The following WIPF1 variants were observed in gnomAD, a reference collection of about 807,000 sequenced individuals.
The protein encoded by WIPF1 is WAS/WASL-interacting protein family member 1.
Under a neutral mutation model 35.4 loss-of-function variants are expected in WIPF1, and 13 were observed. That is an observed-to-expected ratio of 0.37 (90% CI 0.24 to 0.58). The LOEUF is 0.58. Among genes scored for constraint, WIPF1 ranks in the 20% least tolerant of loss-of-function variants. WIPF1 has a pLI of 0.74. For missense variants in WIPF1, 591 were observed against 667.0 expected (o/e 0.89, Z 1.25); for synonymous variants, 267 against 266.3 (o/e 1.00, Z -0.02).
intron 1 of WIPF1, among the ~76,000 whole-genome samples, chr2:174,654,620 T>C (rs542162621): frequency 3.9e-5 from 6 of 152,208 alleles, no homozygotes; most frequent in Non-Finnish European, 7.4e-5. Flanking sequence ...CCTTTTTTTT[T>C]TTCCTCCTCA....
rs926890449 is a variant in WIPF1 at position 174,622,133 on chromosome 2, C to A, written c.-38-36522G>T. ...AGGTTATTAAATACCCTGACAGCAA[C>A]CTGACTGAATTTAGAGCCATGAATT... On this transcript the variant is annotated intron_variant, in intron 1 of 8. Transcript: ENST00000272746. This position sits in a 1 kb window ranked among gnomAD's most constrained non-coding sequence, Gnocchi z 5.1. Among the ~76,000 whole-genome samples the A allele has an allele frequency of 6.6e-6, 1 of 152,212 alleles. No individual in the cohort carries two copies. Among genetic ancestry groups the A allele is most frequent in the African/African-American group, 2.4e-5 (1 of 41,522 alleles).
rs1684908099 is a variant in WIPF1, at chr2:174,572,547, G to A, written c.359-101C>T. 1.5e-5 allele frequency: 22 copies of A among 1,457,246 alleles called. No individual in the cohort carries two copies. In the South Asian group the frequency reaches 2.7e-4, roughly 18 times the overall value. The allele number at this position is 1,457,246 out of a possible 1,614,324, so 90.3% of individuals were successfully genotyped here. ...AGTGACTGGAAGTCCCTTCCTCAGA[G>A]GGCTATAAAATACAGGAAACTATTA... On this transcript the variant is annotated intron_variant, in intron 4 of 7. Coordinates refer to ENST00000679041, the MANE Select transcript of WIPF1 (RefSeq NM_001375834.1).
At chr2:174,628,839 G>A (rs1686926674) in intron 1 of WIPF1, among the ~76,000 whole-genome samples, 1 of 152,106 alleles carries the variant, frequency 6.6e-6, no homozygotes, top group Admixed American at 6.5e-5. Context: ...AAAAATAAAA[G>A]GATATAACTC....
At chr2:174,595,109 A>AAAAAAAAAAAAAATATAT (rs1553529785) in intron 1 of WIPF1, among the ~76,000 whole-genome samples, 1 of 57,736 alleles carries the variant, frequency 1.7e-5, no homozygotes, top group Non-Finnish European at 2.8e-5. Flanking sequence ...AAAAAAAAAA[A>AAAAAAAAAAAAAATATAT]ATATATATAT....
intron 7 of WIPF1, among the ~76,000 whole-genome samples, chr2:174,564,152 G>A (rs188143434): frequency 6.6e-5 from 10 of 152,326 alleles, no homozygotes; most frequent in Admixed American, 6.5e-4. Context: ...TGTGGGCTTG[G>A]AGGCTGAGGC....
chr2:174,589,526 G>T (rs1685538946), intron 1 of WIPF1, among the ~76,000 whole-genome samples: 1 of 152,170 alleles, frequency 6.6e-6, no homozygotes, highest in Non-Finnish European at 1.5e-5. Context: ...AGATCTTACT[G>T]AAGGCCTTGG....
chr2:174,678,294 G>A (rs1255555532), intron 1 of WIPF1, among the ~76,000 whole-genome samples: 1 of 152,172 alleles, frequency 6.6e-6, no homozygotes, highest in East Asian at 1.9e-4. Flanking sequence ...ATGCTAAAAT[G>A]TTACATAGCA....
chr2:174,620,151 A>C (rs755520557), intron 1 of WIPF1, among the ~76,000 whole-genome samples: 1 of 152,242 alleles, frequency 6.6e-6, no homozygotes, highest in Non-Finnish European at 1.5e-5. Context: ...TCCAATGTTG[A>C]GACCACTGAC....
At chr2:174,582,844 T>A (rs1685284207) in intron 2 of WIPF1, among the ~76,000 whole-genome samples, 1 of 152,226 alleles carries the variant, frequency 6.6e-6, no homozygotes, top group Non-Finnish European at 1.5e-5. Context: ...AATGATGAAG[T>A]ATTACTTGCT....
chr2:174,651,582 A>G (rs1165192279), intron 1 of WIPF1, among the ~76,000 whole-genome samples: 1 of 152,214 alleles, frequency 6.6e-6, no homozygotes, highest in Admixed American at 6.5e-5. Flanking sequence ...TTGTATGGAA[A>G]AAAACTAGCA....
At chr2:174,595,335 A>G (rs1685787373) in intron 1 of WIPF1, among the ~76,000 whole-genome samples, 1 of 150,144 alleles carries the variant, frequency 6.7e-6, no homozygotes, top group African/African-American at 2.4e-5. Flanking sequence ...AAAAACAGAA[A>G]TCATACAATT....
intron 4 of WIPF1, chr2:174,574,655 A>G (rs1297829359): frequency 7.5e-6 from 4 of 536,824 alleles, no homozygotes; most frequent in African/African-American, 3.8e-5. Flanking sequence ...TTCATAGACA[A>G]TCCTGAAGGA....
intron 1 of WIPF1, among the ~76,000 whole-genome samples, chr2:174,588,119 G>A (rs989551713): frequency 6.6e-6 from 1 of 152,152 alleles, no homozygotes; most frequent in Non-Finnish European, 1.5e-5. Flanking sequence ...AGGAACGAAA[G>A]GGATCTGATT....
chr2:174,580,889 A>G (rs1374233139), intron 3 of WIPF1, among the ~76,000 whole-genome samples: 1 of 152,234 alleles, frequency 6.6e-6, no homozygotes, highest in Admixed American at 6.5e-5. Flanking sequence ...AACATGTATT[A>G]TCATCTCCAT....
Position 174,590,124 on chromosome 2 carries a change from T to C in WIPF1, c.-38-4513A>G, listed in dbSNP as rs975111322. On this transcript the variant is annotated intron_variant, in intron 1 of 7. Transcript: ENST00000679041. This position sits in a 1 kb window ranked among gnomAD's most constrained non-coding sequence, Gnocchi z 4.6. ...TTTTAAAAAAAGGAGTCCTTTGGGC[T>C]TTACCAGTGGGTTTATAGAATGAAA... Among the ~76,000 whole-genome samples the C allele has an allele frequency of 6.6e-6, 1 of 152,192 alleles. No individual in the cohort carries two copies. Among genetic ancestry groups the C allele is most frequent in the Admixed American group, 6.5e-5 (1 of 15,284 alleles).
intron 3 of WIPF1, 172 bp from the exon 4 acceptor site, chr2:174,575,552 G>T: frequency 8.7e-7 from 1 of 1,155,860 alleles, no homozygotes; most frequent in Non-Finnish European, 1.2e-6. Context: ...AGAACTGCCC[G>T]CTCCAGGCAG....
In WIPF1 at chr2:174,585,504, T is replaced by C. The variant is rs1685383370; in HGVS notation, c.51+19A>G. On this transcript the variant is annotated intron_variant, in intron 2 of 7. Transcript: ENST00000679041. ...GGCTTGCTTTATGCATAGAAAGTGT[T>C]TGGGGAGGAGACACTCACCAGTGCA... 1 of 1,611,230 alleles carries C rather than the reference T, an allele frequency of 6.2e-7. No individual in the cohort carries two copies. The highest frequency in any genetic ancestry group is 1.3e-5 in the African/African-American group (1 of 74,342).
chr2:174,591,861 G>A (rs185640161), intron 1 of WIPF1, among the ~76,000 whole-genome samples: 110 of 152,298 alleles, frequency 7.2e-4, no homozygotes, highest in African/African-American at 2.4e-3. Flanking sequence ...AGGGCATCTT[G>A]CAGCCTCGAC....
chr2:174,611,130 C>T (rs552776493), intron 1 of WIPF1, among the ~76,000 whole-genome samples: 1 of 152,230 alleles, frequency 6.6e-6, no homozygotes, highest in South Asian at 2.1e-4. Flanking sequence ...ACAAAATTGT[C>T]CACCGTCATG....
Sources: allele counts gnomAD v4.1 joint callset (sites outside exome capture counted in the v4.1 genomes callset), GRCh38; gene constraint gnomAD v4.1.1; non-coding constraint Gnocchi (gnomAD v3.1); transcripts MANE v1.5; gene names NCBI Gene and HGNC (gene_info 2026-07-23, HGNC 2026-07-21).